PPP3CA: variants seen among roughly 807,000 people sequenced by gnomAD.
PPP3CA encodes CAM-PRP catalytic subunit.
A neutral mutation model predicts 66.5 loss-of-function variants in PPP3CA; 14 were observed. That is an observed-to-expected ratio of 0.21 (90% CI 0.14 to 0.33). The LOEUF (loss-of-function observed/expected upper bound fraction) is 0.33, where lower values mean the gene tolerates loss of function less well. Ranked by LOEUF, PPP3CA falls within the 10% of genes least tolerant of loss-of-function variation. The pLI is 1.00. For missense variants in PPP3CA, 317 were observed against 639.5 expected (o/e 0.50, Z 5.44); for synonymous variants, 232 against 226.2 (o/e 1.03, Z -0.23).
intron 6 of PPP3CA, among the ~76,000 whole-genome samples, chr4:101,089,319 A>T (rs956380381): frequency 3.3e-5 from 5 of 152,078 alleles, no homozygotes; most frequent in African/African-American, 1.2e-4. Flanking sequence ...ATCAGGATAT[A>T]TAAACAAGGA....
intron 1 of PPP3CA, among the ~76,000 whole-genome samples, chr4:101,231,738 T>A (rs1306133301): frequency 6.6e-6 from 1 of 151,812 alleles, no homozygotes; most frequent in African/African-American, 2.4e-5. Flanking sequence ...ACAAAATGTA[T>A]GTTAGTGATT....
At chr4:101,189,492 G>A (rs751901384) in intron 2 of PPP3CA, among the ~76,000 whole-genome samples, 15 of 151,780 alleles carry the variant, frequency 9.9e-5, no homozygotes, top group Non-Finnish European at 2.1e-4. Flanking sequence ...AAATAAAACA[G>A]AAATAGACAT....
chr4:101,149,362 T>C (rs531753530), intron 2 of PPP3CA, among the ~76,000 whole-genome samples: 2 of 152,310 alleles, frequency 1.3e-5, no homozygotes, highest in African/African-American at 2.4e-5. Context: ...CCAATGTATG[T>C]ATTAATCAGA....
intron 1 of PPP3CA, among the ~76,000 whole-genome samples, chr4:101,263,411 G>A (rs777608042): frequency 6.6e-6 from 1 of 152,122 alleles, no homozygotes; most frequent in African/African-American, 2.4e-5. Context: ...AAAAGATGTG[G>A]TGTATCTCAT....
At chr4:101,131,237 AAAATAAATAAAT>A (rs140632196) in intron 2 of PPP3CA, among the ~76,000 whole-genome samples, 23 of 138,698 alleles carry the variant, frequency 1.7e-4, no homozygotes, top group South Asian at 9.1e-4. Context: ...ACTCCGTCTC[AAAATAAATAAAT>A]AAATAAATAA....
Position 101,032,314 on chromosome 4 carries a change from A to G in PPP3CA, c.1292T>C (p.Met431Thr), listed in dbSNP as rs1727004036. ...TCCAGAAAGTACTCCGCTGGGGAGC[A>G]TGCCAGTTGGGGTCAAGCCTTTCAG... The part of the protein sequence containing the change: ...LTLKGLTPTG[M>T]LPSGVLSGGK... Residue 431 changes from methionine to threonine, a missense_variant, in exon 12 of 14, where the codon ATG becomes ACG. Physicochemically the swap from Met to Thr is moderately conservative, Grantham distance 81. Transcript: ENST00000394854. 1.2e-6 allele frequency: 2 copies of G among 1,612,236 alleles called. No homozygotes were observed. The highest frequency in any genetic ancestry group is 1.3e-5 in the African/African-American group (1 of 74,820).
At chr4:101,333,421 C>T (rs192560846) in intron 1 of PPP3CA, among the ~76,000 whole-genome samples, 96 of 151,356 alleles carry the variant, frequency 6.3e-4, no homozygotes, top group Non-Finnish European at 1.1e-3. Context: ...CCACTGCACC[C>T]GGCCTCAATC....
chr4:101,160,964 A>C (rs1190457281), intron 2 of PPP3CA, among the ~76,000 whole-genome samples: 2 of 152,128 alleles, frequency 1.3e-5, no homozygotes, highest in Admixed American at 6.6e-5. Flanking sequence ...AAAGAAATAC[A>C]GTCACGTACT....
rs112571231 is a variant in PPP3CA, at chr4:101,325,936, C to A, written c.58+20803G>T. Among the ~76,000 whole-genome samples the A allele has an allele frequency of 9.0e-3, 1,366 of 152,164 alleles. 8 individuals are homozygous for A. The highest frequency in any genetic ancestry group is 0.014 in the Non-Finnish European group (973 of 67,982). The stretch of plus-strand genomic sequence containing the variant: ...GGCGGATCACTTGAGGTCAGGAGTT[C>A]GAGACCAGCCTGACCAACATGGCAA... On this transcript the variant is annotated intron_variant, in intron 1 of 13. Coordinates refer to ENST00000394854, the MANE Select transcript of PPP3CA (RefSeq NM_000944.5).
intron 2 of PPP3CA, among the ~76,000 whole-genome samples, chr4:101,143,384 G>C (rs1359998273): frequency 6.6e-6 from 1 of 152,072 alleles, no homozygotes. Context: ...TGGTCATAAA[G>C]TTTTCCCTTG....
intron 1 of PPP3CA, among the ~76,000 whole-genome samples, chr4:101,198,684 A>C (rs1327773220): frequency 6.6e-6 from 1 of 152,192 alleles, no homozygotes; most frequent in Non-Finnish European, 1.5e-5. Context: ...GAGAGGCAAC[A>C]GGAGAGCACC....
At chr4:101,338,425 A>C (rs1377586119) in intron 1 of PPP3CA, among the ~76,000 whole-genome samples, 1 of 152,272 alleles carries the variant, frequency 6.6e-6, no homozygotes, top group Non-Finnish European at 1.5e-5. Flanking sequence ...CCCATAATTT[A>C]GAAATTTAAA....
At chr4:101,045,009 A>G (rs536273111) in intron 10 of PPP3CA, among the ~76,000 whole-genome samples, 3 of 152,362 alleles carry the variant, frequency 2.0e-5, no homozygotes, top group Admixed American at 6.5e-5. Flanking sequence ...TCTGCCACAC[A>G]TAACAGATGT....
At chr4:101,066,498 T>C (rs1179213030) in intron 8 of PPP3CA, among the ~76,000 whole-genome samples, 1 of 152,148 alleles carries the variant, frequency 6.6e-6, no homozygotes, top group Non-Finnish European at 1.5e-5. Context: ...GTTCTATAGG[T>C]TATAAATAGA....
chr4:101,051,255 T>C (rs969487369), intron 10 of PPP3CA, among the ~76,000 whole-genome samples: 1 of 152,158 alleles, frequency 6.6e-6, no homozygotes, highest in Non-Finnish European at 1.5e-5. Context: ...AGAAATACTT[T>C]TAAAATTTAA....
intron 2 of PPP3CA, among the ~76,000 whole-genome samples, chr4:101,131,281 A>AAAC: frequency 7.2e-6 from 1 of 139,480 alleles, no homozygotes; most frequent in Non-Finnish European, 1.5e-5. Context: ...AATAAATAAA[A>AAAC]TAAAAAGGCA....
intron 2 of PPP3CA, among the ~76,000 whole-genome samples, chr4:101,149,619 T>C (rs566640695): frequency 1.3e-5 from 2 of 152,204 alleles, no homozygotes; most frequent in South Asian, 4.1e-4. Context: ...AACTTAATGA[T>C]TTTCTCTAAC....
chr4:101,334,523 T>A (rs1407707060), intron 1 of PPP3CA, among the ~76,000 whole-genome samples: 1 of 152,114 alleles, frequency 6.6e-6, no homozygotes, highest in Non-Finnish European at 1.5e-5. Context: ...ATAACAGGAT[T>A]TTTTTCCTAG....
chr4:101,263,969 G>A (rs1166683670), intron 1 of PPP3CA, among the ~76,000 whole-genome samples: 1 of 152,078 alleles, frequency 6.6e-6, no homozygotes, highest in East Asian at 1.9e-4. Flanking sequence ...GGTAAAAAGG[G>A]TGCCTTAACT....
Sources: allele counts gnomAD v4.1 joint callset (sites outside exome capture counted in the v4.1 genomes callset), GRCh38; gene constraint gnomAD v4.1.1; transcripts MANE v1.5; gene names NCBI Gene and HGNC (gene_info 2026-07-23, HGNC 2026-07-21).